AMOT: variants seen among roughly 807,000 people sequenced by gnomAD.
AMOT encodes the protein angiomotin.
AMOT carries 11 observed loss-of-function variants against 67.0 expected under a neutral mutation model. The observed-to-expected ratio is 0.16, with a 90% confidence interval of 0.10 to 0.27. AMOT has a LOEUF of 0.27. Ranked by LOEUF, AMOT falls within the 10% of genes least tolerant of loss-of-function variation. AMOT has a pLI of 1.00. For synonymous variants in AMOT, 326 were observed against 321.4 expected (o/e 1.01, Z -0.15); for missense variants, 753 against 852.0 (o/e 0.88, Z 1.45).
intron 4 of AMOT, among the ~76,000 whole-genome samples, chrX:112,821,207 G>T (rs188783411): frequency 3.6e-5 from 4 of 111,132 alleles, no homozygotes; most frequent in African/African-American, 1.3e-4. Flanking sequence ...GACATCAAAG[G>T]ACATCACAGA....
chrX:112,799,725 AAAAACCACCTCT>A, intron 8 of AMOT, among the ~76,000 whole-genome samples: 1 of 111,637 alleles, frequency 9.0e-6, no homozygotes, highest in East Asian at 2.8e-4. Flanking sequence ...GAAGAGTAAA[AAAAACCACCTCT>A]AAAAACTTGC....
chrX:112,809,967 G>C lies in AMOT; in HGVS notation c.1557C>G (p.Asn519Lys), dbSNP rs1569399942. 5.8e-6 allele frequency: 7 copies of C among 1,210,562 alleles called. No individual in the cohort carries two copies. Among genetic ancestry groups the C allele is most frequent in the Non-Finnish European group, 5.6e-6 (5 of 894,758 alleles). Residue 519 changes from asparagine (N) to lysine (K), a missense_variant, in exon 7 of 14, where the codon AAC becomes AAG. Transcript: ENST00000371959. ...CATATTCCTTCTCTGCAAGCTGCTT[G>C]TTGGCAGTCTCTAGACGCTCTGTGA... is the stretch of plus-strand genomic sequence containing the variant. ...RDLRERLETA[N>K]KQLAEKEYEG...
At chrX:112,799,727 A>C (rs1481964332) in intron 8 of AMOT, among the ~76,000 whole-genome samples, 1 of 111,615 alleles carries the variant, frequency 9.0e-6, no homozygotes, top group Non-Finnish European at 1.9e-5. Context: ...AGAGTAAAAA[A>C]AACCACCTCT....
intron 9 of AMOT, 149 bp from the exon 10 acceptor site, chrX:112,790,931 G>A (rs991172038): frequency 2.0e-6 from 1 of 488,097 alleles, no homozygotes; most frequent in South Asian, 8.9e-5. Context: ...TCTCCTCCCA[G>A]GGCCACAGGA....
At chrX:112,815,286 T>C in intron 5 of AMOT, 72 bp downstream of exon 5, 1 of 1,118,373 alleles carries the variant, frequency 8.9e-7, no homozygotes, top group Non-Finnish European at 1.2e-6. Context: ...ACTGGAGACT[T>C]TAATGTGGAT....
intron 1 of AMOT, among the ~76,000 whole-genome samples, chrX:112,832,923 A>C (rs1935030213): frequency 9.0e-6 from 1 of 111,618 alleles, no homozygotes; most frequent in African/African-American, 3.3e-5. Context: ...TCACTCTCTG[A>C]AGGCAGAAGG....
rs35986965 is a variant in AMOT at position 112,831,445 on chromosome X, CAATAAATAAATAAATA to C, written c.-212+833_-212+848del. On this transcript the variant is annotated intron_variant, in intron 2 of 13. Transcript: ENST00000371959. ...TTGTGCTAGGTAAGGCCTAGGGTGGCAATAAATAAATAAATAAATAAATAAATAAATAAATAAATAA... is the reference window on the plus strand; with the variant it reads ...TTGTGCTAGGTAAGGCCTAGGGTGGCAATAAATAAATAAATAAATAAATAA... Among the ~76,000 whole-genome samples, 266 of 94,585 alleles carry C rather than the reference CAATAAATAAATAAATA, an allele frequency of 2.8e-3. 1 individual carries two copies. Among genetic ancestry groups the C allele is most frequent in the African/African-American group, 9.1e-3 (235 of 25,953 alleles). 82.1% of individuals were successfully genotyped at this position (94,585 alleles called of 115,157 possible). A position where few individuals can be genotyped will look rare whatever the true frequency, so the allele number is the denominator to read the frequency against.
intron 6 of AMOT, 75 bp from the exon 7 acceptor site, chrX:112,810,061 T>C: frequency 1.2e-6 from 1 of 831,212 alleles, no homozygotes; most frequent in Non-Finnish European, 1.8e-6. Flanking sequence ...CTCTAAATAC[T>C]GACCTTTGGT....
At chrX:112,812,309 C>G (rs1459508480) in intron 5 of AMOT, among the ~76,000 whole-genome samples, 1 of 111,513 alleles carries the variant, frequency 9.0e-6, no homozygotes, top group Non-Finnish European at 1.9e-5. Flanking sequence ...CTGTGGGGTA[C>G]GCAGAGGGAA....
intron 5 of AMOT, among the ~76,000 whole-genome samples, chrX:112,815,078 T>C (rs1379118419): frequency 8.9e-6 from 1 of 112,265 alleles, no homozygotes; most frequent in African/African-American, 3.2e-5. Context: ...CCTTTTGGAA[T>C]TCTAAAAGAA....
At chrX:112,782,418 C>T in intron 11 of AMOT, 122 bp downstream of exon 11, 1 of 951,783 alleles carries the variant, frequency 1.1e-6, no homozygotes, top group Non-Finnish European at 1.5e-6. Context: ...AAGTGACAGG[C>T]TGGCAGGGGT....
intron 2 of AMOT, among the ~76,000 whole-genome samples, chrX:112,828,799 C>T (rs1162409644): frequency 8.9e-6 from 1 of 112,012 alleles, no homozygotes; most frequent in Non-Finnish European, 1.9e-5. Context: ...TTTGCTTGTA[C>T]AAAGGAGATG....
chrX:112,788,243 A>C (rs904609785), intron 10 of AMOT, among the ~76,000 whole-genome samples: 53 of 108,732 alleles, frequency 4.9e-4, no homozygotes, highest in South Asian at 2.5e-3. Context: ...GAGCCGAGAT[A>C]GCACCACTGC....
In AMOT at chrX:112,778,193, C is replaced by T. The variant is rs1206713444; in HGVS notation, c.*374G>A. 1 of 122,582 alleles carries T rather than the reference C, an allele frequency of 8.2e-6. No individual in the cohort carries two copies. The highest frequency in any genetic ancestry group is 1.7e-5 in the Non-Finnish European group (1 of 59,604). The allele number at this position is 122,582 out of a possible 1,213,427, so 10.1% of individuals were successfully genotyped here. On this transcript the variant is annotated 3_prime_UTR_variant, in exon 14 of 14. Transcript: ENST00000371959. ...TCCCACTTCCAAACTACGTGTTATA[C>T]ACTGTCTTCCACACATACTGTGCTC...
chrX:112,788,501 A>T (rs1270730446), intron 10 of AMOT, among the ~76,000 whole-genome samples: 1 of 111,686 alleles, frequency 9.0e-6, no homozygotes, highest in Admixed American at 9.5e-5. Context: ...TTACCTCTCA[A>T]ATATAGAATC....
intron 8 of AMOT, among the ~76,000 whole-genome samples, chrX:112,795,320 A>G (rs1933773836): frequency 9.2e-6 from 1 of 109,103 alleles, no homozygotes; most frequent in South Asian, 4.0e-4. Context: ...AGAAATTTCT[A>G]TCTGACAGCA....
rs1196917011 is a variant in AMOT, at chrX:112,775,179, G to A, written c.*3388C>T. On this transcript the variant is annotated 3_prime_UTR_variant, in exon 14 of 14. Transcript: ENST00000371959. ...AACTCCCGACACTTGTCCTACTGAT[G>A]ATGGATGGCACTTGGAAGACATATT... 3 of 112,572 alleles carry A rather than the reference G, an allele frequency of 2.7e-5. No homozygotes were observed. Among genetic ancestry groups the A allele is most frequent in the East Asian group, 5.6e-4 (2 of 3,590 alleles). The allele number at this position is 112,572 out of a possible 1,213,427, so 9.3% of individuals were successfully genotyped here.
At chrX:112,782,790 G>T in intron 10 of AMOT, 128 bp from the exon 11 acceptor site, 4 of 888,131 alleles carry the variant, frequency 4.5e-6, no homozygotes, top group Non-Finnish European at 6.2e-6. Context: ...GGAACAGATG[G>T]TTTCTGGGGA....
At chrX:112,817,747 G>A (rs1431311341) in intron 4 of AMOT, among the ~76,000 whole-genome samples, 1 of 111,692 alleles carries the variant, frequency 9.0e-6, no homozygotes, top group Non-Finnish European at 1.9e-5. Flanking sequence ...GAACTATTTG[G>A]GCAAAGAAGA....
Sources: gnomAD v4.1 joint callset for allele counts (sites outside exome capture counted in the v4.1 genomes callset) on GRCh38, gnomAD v4.1.1 for gene constraint, MANE v1.5 for transcripts, NCBI Gene and HGNC (gene_info 2026-07-23, HGNC 2026-07-21) for gene names.